The following PREX2 variants were observed in gnomAD, a reference collection of about 807,000 sequenced individuals.
PREX2 encodes the protein phosphatidylinositol 3,4,5-trisphosphate-dependent Rac exchanger 2 protein.
PREX2 carries 107 observed loss-of-function variants against 203.2 expected under a neutral mutation model. That is an observed-to-expected ratio of 0.53 (90% CI 0.45 to 0.62). The LOEUF is 0.62. PREX2 is among the 20% of genes least tolerant of loss of function. The probability of loss-of-function intolerance (pLI) is 0.00; values close to 1 mark genes in which losing one functional copy is unlikely to be tolerated. For missense variants in PREX2, 1,777 were observed against 1,955.9 expected, an observed-to-expected ratio of 0.91 and a Z score of 1.72; for synonymous variants, 672 against 663.6, an observed-to-expected ratio of 1.01 and a Z score of -0.19.
intron 35 of PREX2, among the ~76,000 whole-genome samples, chr8:68,162,446 A>G (rs1003718076): frequency 6.6e-6 from 1 of 152,134 alleles, no homozygotes; most frequent in Non-Finnish European, 1.5e-5. Flanking sequence ...CAGACATTTT[A>G]TGATTAGCTA....
In PREX2 at chr8:68,096,974, A is replaced by G. The variant is rs772792588; in HGVS notation, c.2369-43A>G. The G allele has an allele frequency of 3.3e-6, 5 of 1,523,176 alleles. No individual in the cohort carries two copies. The East Asian group carries it at 1.1e-4, about 34-fold the overall frequency. The allele number at this position is 1,523,176 out of a possible 1,614,324, so 94.4% of individuals were successfully genotyped here. On this transcript the variant is annotated intron_variant, in intron 21 of 39. Transcript: ENST00000288368. ...ACAAAATTATTTGAGGAGATTAACA[A>G]ATCCTTCATGAATTTACTGAGTTAC...
intron 34 of PREX2, among the ~76,000 whole-genome samples, chr8:68,155,133 G>A (rs1474649767): frequency 1.3e-5 from 2 of 151,908 alleles, no homozygotes; most frequent in Admixed American, 6.6e-5. Context: ...TCTTAAGGTA[G>A]ATAGGGCATA....
chr8:68,047,367 T>G (rs555574744), intron 8 of PREX2, among the ~76,000 whole-genome samples: 14 of 151,000 alleles, frequency 9.3e-5, no homozygotes, highest in African/African-American at 3.4e-4. Flanking sequence ...CTGGATAAGT[T>G]AAATGAGGGA....
intron 8 of PREX2, among the ~76,000 whole-genome samples, chr8:68,051,060 G>A (rs1432178148): frequency 1.3e-5 from 2 of 152,090 alleles, no homozygotes; most frequent in Admixed American, 1.3e-4. Flanking sequence ...CTAAGAAGTG[G>A]CCTGTTTGAG....
chr8:68,151,206 A>AGC (rs1346200778), intron 34 of PREX2, among the ~76,000 whole-genome samples: 1 of 152,034 alleles, frequency 6.6e-6, no homozygotes, highest in Non-Finnish European at 1.5e-5. Context: ...GGATCACTTG[A>AGC]GCGCAGGAAC....
rs913420039 is a variant in PREX2 at position 68,120,770 on chromosome 8, C to T, written c.3596-151C>T. On this transcript the variant is annotated intron_variant, in intron 29 of 39. Transcript: ENST00000288368. ...AATAACATGAAGGTTTGACTTTTTACATTTAACGGATTTTCTGATGGTGTG... is the reference window on the plus strand; with the variant it reads ...AATAACATGAAGGTTTGACTTTTTATATTTAACGGATTTTCTGATGGTGTG... 20 of 648,716 alleles carry T rather than the reference C, an allele frequency of 3.1e-5. No individual in the cohort carries two copies. In the African/African-American group the frequency reaches 3.4e-4, roughly 11 times the overall value. The allele number at this position is 648,716 out of a possible 1,614,324, so 40.2% of individuals were successfully genotyped here.
intron 1 of PREX2, among the ~76,000 whole-genome samples, chr8:68,008,553 G>T (rs1345664081): frequency 6.6e-6 from 1 of 152,014 alleles, no homozygotes; most frequent in Admixed American, 6.5e-5. Context: ...TTAAAGAAAA[G>T]GTAAAGTAAG....
intron 1 of PREX2, among the ~76,000 whole-genome samples, chr8:67,975,031 C>T (rs1448375958): frequency 1.3e-5 from 2 of 152,164 alleles, no homozygotes; most frequent in East Asian, 3.9e-4. Context: ...GCACCTCTCT[C>T]TGGAGAGCTC....
intron 19 of PREX2, among the ~76,000 whole-genome samples, 176 bp from the exon 20 acceptor site, chr8:68,090,398 AAAGTT>A (rs1410936465): frequency 6.6e-6 from 1 of 152,206 alleles, no homozygotes; most frequent in Non-Finnish European, 1.5e-5. Flanking sequence ...TCACAGTTTG[AAAGTT>A]AAGTTAAAAA....
At chr8:68,036,695 C>T (rs1272837095) in intron 6 of PREX2, among the ~76,000 whole-genome samples, 1 of 151,978 alleles carries the variant, frequency 6.6e-6, no homozygotes, top group Admixed American at 6.6e-5. Flanking sequence ...CCTGTAATCC[C>T]AGCACTTTGG....
chr8:68,098,685 A>T (rs539573233), intron 22 of PREX2, among the ~76,000 whole-genome samples: 1 of 150,552 alleles, frequency 6.6e-6, no homozygotes, highest in African/African-American at 2.4e-5. Context: ...ACACATGAAG[A>T]AAAAACAGTC....
chr8:68,200,189 T>C (rs1045039498), intron 37 of PREX2, among the ~76,000 whole-genome samples: 1 of 152,078 alleles, frequency 6.6e-6, no homozygotes, highest in African/African-American at 2.4e-5. Context: ...CCCAAGGATA[T>C]TATATAGTCC....
intron 15 of PREX2, among the ~76,000 whole-genome samples, chr8:68,079,140 G>A (rs1451058993): frequency 6.6e-6 from 1 of 152,134 alleles, no homozygotes; most frequent in Non-Finnish European, 1.5e-5. Flanking sequence ...GGACAACATA[G>A]CAAGACCCCG....
intron 35 of PREX2, among the ~76,000 whole-genome samples, chr8:68,158,632 T>C (rs894590095): frequency 6.6e-6 from 1 of 152,160 alleles, no homozygotes; most frequent in Admixed American, 6.6e-5. Flanking sequence ...CATCTTTATG[T>C]TAAGTTACAG....
intron 34 of PREX2, among the ~76,000 whole-genome samples, chr8:68,150,184 T>G (rs1402660906): frequency 6.6e-6 from 1 of 152,224 alleles, no homozygotes; most frequent in Non-Finnish European, 1.5e-5. Context: ...GTCCATGCTT[T>G]GCACCTGTCA....
chr8:68,060,812 G>T (rs1452248425), intron 11 of PREX2, 33 bp downstream of exon 11: 2 of 1,320,704 alleles, frequency 1.5e-6, no homozygotes, highest in Admixed American at 3.7e-5. Flanking sequence ...CTTATTTAAT[G>T]CATTTATTGG....
At chr8:67,977,106 A>T (rs1300637744) in intron 1 of PREX2, among the ~76,000 whole-genome samples, 1 of 152,228 alleles carries the variant, frequency 6.6e-6, no homozygotes, top group Admixed American at 6.5e-5. Flanking sequence ...TGATGGGATT[A>T]GGAGATGTGG....
At chr8:67,985,187 C>T (rs1806381792) in intron 1 of PREX2, among the ~76,000 whole-genome samples, 1 of 152,134 alleles carries the variant, frequency 6.6e-6, no homozygotes, top group African/African-American at 2.4e-5. Context: ...GAAAGCCAAA[C>T]ACAATAGCAT....
chr8:68,159,294 C>A (rs1219034771), intron 35 of PREX2, among the ~76,000 whole-genome samples: 1 of 152,146 alleles, frequency 6.6e-6, no homozygotes, highest in Non-Finnish European at 1.5e-5. Flanking sequence ...TTACCAAAGA[C>A]AAATCTTAGT....
Sources: gnomAD v4.1 joint callset for allele counts (sites outside exome capture counted in the v4.1 genomes callset) on GRCh38, gnomAD v4.1.1 for gene constraint, MANE v1.5 for transcripts, NCBI Gene and HGNC (gene_info 2026-07-23, HGNC 2026-07-21) for gene names.